RARB: variants seen among roughly 807,000 people sequenced by gnomAD.
The protein encoded by RARB is retinoic acid receptor beta.
In RARB, 17 loss-of-function variants were observed where a neutral mutation model predicts 51.9. The observed-to-expected ratio is 0.33, with a 90% confidence interval of 0.22 to 0.49. The LOEUF is 0.49. Among genes scored for constraint, RARB ranks in the 20% least tolerant of loss-of-function variants. The probability of loss-of-function intolerance (pLI) is 0.99; values close to 1 mark genes in which losing one functional copy is unlikely to be tolerated. For missense variants in RARB, 369 were observed against 550.8 expected (o/e 0.67, Z 3.30); for synonymous variants, 215 against 195.4 (o/e 1.10, Z -0.84).
At chr3:25,001,688 C>A (rs189365368) in intron 2 of RARB, among the ~76,000 whole-genome samples, 38 of 152,282 alleles carry the variant, frequency 2.5e-4, no homozygotes, top group African/African-American at 6.5e-4. Flanking sequence ...ATCTAACATG[C>A]GAAATGTTGA....
At position 25,428,875 on chromosome 3, in the gene RARB, G is replaced by A; in HGVS notation, c.144G>A (p.Arg48=). The change falls in exon 1 of 8, where the codon CGG becomes CGA. Residue 48 remains arginine (R), a synonymous_variant. Transcript: ENST00000330688. ...TGACCCAAACCGAATGGCAGCATCGGCACACTGCTCAATGTAGGTTTATTT... is the reference window on the plus strand; with the variant it reads ...TGACCCAAACCGAATGGCAGCATCGACACACTGCTCAATGTAGGTTTATTT... ...SGLTQTEWQH[R]HTAQSIETQS... The A allele has an allele frequency of 1.2e-6, 2 of 1,611,312 alleles. No individual in the cohort carries two copies. The highest frequency in any genetic ancestry group is 1.3e-5 in the African/African-American group (1 of 74,918).
intron 2 of RARB, among the ~76,000 whole-genome samples, chr3:24,930,858 T>C (rs1390026405): frequency 6.6e-6 from 1 of 151,976 alleles, no homozygotes; most frequent in Non-Finnish European, 1.5e-5. Context: ...ATTTTTCTTT[T>C]AAAAAATAGC....
intron 3 of RARB, among the ~76,000 whole-genome samples, chr3:25,108,189 T>G (rs1047105681): frequency 6.6e-6 from 1 of 152,176 alleles, no homozygotes; most frequent in African/African-American, 2.4e-5. Context: ...AATTATAGAT[T>G]GCTTATTTCT....
chr3:25,594,514 A>G lies in RARB; in HGVS notation c.992-6A>G. ...TTTTGTTTAATACTTTATTCCTGGT[A>G]TCCAGACCGCCAGGACCTTGAGGAA... On this transcript the variant is annotated splice_region_variant and splice_polypyrimidine_tract_variant and intron_variant, in intron 6 of 7. Coordinates refer to ENST00000330688, the MANE Select transcript of RARB (RefSeq NM_000965.5). 1 of 1,598,768 alleles carries G rather than the reference A, an allele frequency of 6.3e-7. No individual in the cohort carries two copies. Among genetic ancestry groups the G allele is most frequent in the South Asian group, 1.1e-5 (1 of 88,120 alleles).
chr3:25,162,019 A>G (rs1330967888), intron 4 of RARB, among the ~76,000 whole-genome samples: 1 of 152,206 alleles, frequency 6.6e-6, no homozygotes, highest in Non-Finnish European at 1.5e-5. Flanking sequence ...GTATCAGCAG[A>G]ACCTGTGTGG....
intron 2 of RARB, among the ~76,000 whole-genome samples, chr3:24,938,353 T>C (rs1559403703): frequency 6.6e-6 from 1 of 152,188 alleles, no homozygotes; most frequent in Non-Finnish European, 1.5e-5. Context: ...ATGTTTCCTT[T>C]CAGACTCCTA....
intron 2 of RARB, among the ~76,000 whole-genome samples, chr3:25,004,389 A>G (rs1160504843): frequency 6.6e-6 from 1 of 152,170 alleles, no homozygotes; most frequent in Non-Finnish European, 1.5e-5. Flanking sequence ...TCATTGGCTC[A>G]CTATTCTGGA....
chr3:25,098,536 C>G (rs1384449541), intron 3 of RARB, among the ~76,000 whole-genome samples: 1 of 152,116 alleles, frequency 6.6e-6, no homozygotes, highest in Admixed American at 6.6e-5. Context: ...TAAAGGATTG[C>G]TGGGAAAAGA....
intron 2 of RARB, among the ~76,000 whole-genome samples, chr3:24,938,214 A>G (rs1259769427): frequency 1.3e-5 from 2 of 152,158 alleles, no homozygotes; most frequent in African/African-American, 4.8e-5. Flanking sequence ...TATGAAATTG[A>G]CACTTTTATA....
chr3:25,047,721 A>G (rs1307911203), intron 2 of RARB, among the ~76,000 whole-genome samples: 1 of 152,198 alleles, frequency 6.6e-6, no homozygotes, highest in Non-Finnish European at 1.5e-5. Context: ...ACAAATTTGA[A>G]CCTAAGTCCT....
chr3:25,185,724 T>A (rs1185381032), intron 5 of RARB, among the ~76,000 whole-genome samples: 1 of 152,162 alleles, frequency 6.6e-6, no homozygotes, highest in African/African-American at 2.4e-5. Flanking sequence ...CATAGCCACA[T>A]TGACTTCTGT....
intron 5 of RARB, among the ~76,000 whole-genome samples, chr3:25,274,561 G>A (rs995361547): frequency 7.2e-5 from 11 of 152,142 alleles, no homozygotes; most frequent in Admixed American, 2.6e-4. Context: ...CTGGAAAGGG[G>A]ACCTAAGACA....
intron 2 of RARB, among the ~76,000 whole-genome samples, chr3:24,955,884 A>C (rs1696003922): frequency 6.6e-6 from 1 of 152,136 alleles, no homozygotes. Flanking sequence ...CCCTCGGAAG[A>C]ATAGGTAAAA....
chr3:24,920,495 G>A (rs1377210527), intron 2 of RARB, among the ~76,000 whole-genome samples: 1 of 152,090 alleles, frequency 6.6e-6, no homozygotes, highest in Non-Finnish European at 1.5e-5. Context: ...TGTTAATTTT[G>A]TAAGGTTTTG....
chr3:24,908,675 T>TTTTG (rs1559391786), intron 2 of RARB, among the ~76,000 whole-genome samples: 2 of 146,752 alleles, frequency 1.4e-5, no homozygotes, highest in Non-Finnish European at 3.0e-5. Context: ...TTTTTTTTTT[T>TTTTG]TTTTTTTTTT....
At chr3:25,255,179 C>T (rs1183676457) in intron 5 of RARB, among the ~76,000 whole-genome samples, 1 of 152,072 alleles carries the variant, frequency 6.6e-6, no homozygotes, top group Non-Finnish European at 1.5e-5. Context: ...ATGCAGTCTT[C>T]CCCCACCTTC....
intron 2 of RARB, among the ~76,000 whole-genome samples, chr3:25,489,683 G>A (rs575991280): frequency 6.6e-6 from 1 of 152,362 alleles, no homozygotes; most frequent in Admixed American, 6.5e-5. Flanking sequence ...CCCCTCTTGG[G>A]GGCTGTATTT....
intron 3 of RARB, among the ~76,000 whole-genome samples, chr3:25,563,019 C>G (rs1461649712): frequency 6.6e-6 from 1 of 152,148 alleles, no homozygotes; most frequent in Admixed American, 6.5e-5. Context: ...CTGAGCTAAG[C>G]TGGAAGATCA....
intron 4 of RARB, among the ~76,000 whole-genome samples, chr3:25,145,338 C>A (rs925091450): frequency 1.3e-5 from 2 of 152,014 alleles, no homozygotes; most frequent in African/African-American, 4.8e-5. Flanking sequence ...TCCTGCTGAC[C>A]CTGTGGAAAA....
Sources: allele counts gnomAD v4.1 joint callset (sites outside exome capture counted in the v4.1 genomes callset), GRCh38; gene constraint gnomAD v4.1.1; transcripts MANE v1.5; gene names NCBI Gene and HGNC (gene_info 2026-07-23, HGNC 2026-07-21).